DCTN4: variants seen among roughly 807,000 people sequenced by gnomAD.
The protein encoded by DCTN4 is dynactin 4 (p62).
DCTN4 carries 23 observed loss-of-function variants against 62.7 expected under a neutral mutation model. The observed-to-expected ratio is 0.37, with a 90% CI of 0.26 to 0.52. The LOEUF is 0.52. Ranked by LOEUF, DCTN4 falls within the 20% of genes least tolerant of loss-of-function variation. The pLI is 0.92. For missense variants in DCTN4, 514 were observed against 580.4 expected, an observed-to-expected ratio of 0.89 and a Z score of 1.18; for synonymous variants, 199 against 202.1, an observed-to-expected ratio of 0.98 and a Z score of 0.13.
intron 8 of DCTN4, among the ~76,000 whole-genome samples, chr5:150,728,686 TTCTC>T (rs1178563999): frequency 1.3e-5 from 2 of 152,140 alleles, no homozygotes; most frequent in African/African-American, 2.4e-5. Context: ...TTTTTCCCAC[TTCTC>T]TCTACTTTCA....
intron 4 of DCTN4, among the ~76,000 whole-genome samples, chr5:150,739,384 G>C (rs1312773419): frequency 6.6e-6 from 1 of 152,060 alleles, no homozygotes; most frequent in Admixed American, 6.5e-5. Flanking sequence ...GGAGGTGAAA[G>C]ACCTCTACAA....
chr5:150,738,474 TA>T (rs1430741444), intron 4 of DCTN4, among the ~76,000 whole-genome samples: 2 of 152,134 alleles, frequency 1.3e-5, no homozygotes, highest in Non-Finnish European at 2.9e-5. Context: ...CCCAAGTCAA[TA>T]AATGTAATAC....
intron 3 of DCTN4, among the ~76,000 whole-genome samples, chr5:150,750,880 T>C (rs1225182232): frequency 6.6e-6 from 1 of 152,154 alleles, no homozygotes; most frequent in African/African-American, 2.4e-5. Context: ...AGTACATGAA[T>C]ATACATATTT....
intron 2 of DCTN4, 102 bp downstream of exon 2, chr5:150,756,315 A>T: frequency 1.4e-6 from 1 of 734,580 alleles, no homozygotes; most frequent in Non-Finnish European, 2.2e-6. Flanking sequence ...CTGGGATTAC[A>T]GGCGTGAGCC....
intron 8 of DCTN4, among the ~76,000 whole-genome samples, chr5:150,728,482 G>A (rs1051675864): frequency 1.3e-4 from 19 of 151,816 alleles, no homozygotes; most frequent in Non-Finnish European, 8.8e-5. Flanking sequence ...TTGTTCTCTC[G>A]GTTACTGAGA....
At chr5:150,713,445 C>CCT (rs1759642062) in intron 12 of DCTN4, among the ~76,000 whole-genome samples, 1 of 135,608 alleles carries the variant, frequency 7.4e-6, no homozygotes, top group African/African-American at 2.8e-5. Flanking sequence ...CTTTTCTTTT[C>CCT]TTTTTTTTTT....
intron 1 of DCTN4, among the ~76,000 whole-genome samples, chr5:150,756,912 T>C (rs1367547725): frequency 6.6e-6 from 1 of 152,206 alleles, no homozygotes; most frequent in African/African-American, 2.4e-5. Context: ...TTTTTAAAGA[T>C]TTCTCATTAT....
rs1484522281 is a variant in DCTN4, at chr5:150,747,087, A to C, written c.386-4930T>G. 9.8e-5 allele frequency among the ~76,000 whole-genome samples: 15 copies of C among 152,326 alleles called. No individual in the cohort carries two copies. In the East Asian group the frequency reaches 2.1e-3, roughly 22 times the overall value. On this transcript the variant is annotated intron_variant, in intron 3 of 12. Transcript: ENST00000447998. ...CCTTAAGCTGATAAGCAACTTCAGC[A>C]AAGTCTCGGGATACAAAATCAATGT... is the stretch of plus-strand genomic sequence containing the variant.
rs61106544 is a variant in DCTN4 at position 150,729,042 on chromosome 5, C to CTTTTTTTTTTTTTTTTTTTT, written c.834+1569_834+1588dup. Among the ~76,000 whole-genome samples, 4 of 52,148 alleles carry CTTTTTTTTTTTTTTTTTTTT rather than the reference C, an allele frequency of 7.7e-5. 1 individual carries two copies. Among genetic ancestry groups the CTTTTTTTTTTTTTTTTTTTT allele is most frequent in the African/African-American group, 3.0e-4 (4 of 13,134 alleles). The allele number at this position is 52,148 out of a possible 152,430, so 34.2% of individuals were successfully genotyped here. ...ACAAGTGTGTGAACCACCACACTGG[C>CTTTTTTTTTTTTTTTTTTTT]TTTTTTTTTTTTTTTTTTTTTTTTT... On this transcript the variant is annotated intron_variant, in intron 8 of 12. Coordinates refer to ENST00000447998, the MANE Select transcript of DCTN4 (RefSeq NM_016221.4).
At position 150,710,045 on chromosome 5, in the gene DCTN4, A is replaced by G. The variant is rs1759502308; in HGVS notation, c.*1104T>C. 1 of 152,370 alleles carries G rather than the reference A, an allele frequency of 6.6e-6. No individual in the cohort carries two copies. Among genetic ancestry groups the G allele is most frequent in the Non-Finnish European group, 1.5e-5 (1 of 68,042 alleles). 9.4% of individuals were successfully genotyped at this position (152,370 alleles called of 1,614,324 possible). ...TTGCTGAACTATTTTATGGTTTACA[A>G]TCAAAATGGTCTTATTTGACTCACC... is the stretch of plus-strand genomic sequence containing the variant. On this transcript the variant is annotated 3_prime_UTR_variant, in exon 13 of 13. Transcript: ENST00000447998.
chr5:150,730,633 G>A lies in DCTN4; in HGVS notation c.832C>T (p.Arg278Cys), dbSNP rs755235314. ...HLLIKRSLRC[R>C]KCEHNLSKPE... ...AGTCTACAGAATGGAATACTTACAC[G>A]GCAGCGCAGGGACCGTTTGATCAGA... Residue 278 changes from arginine to cysteine, a missense_variant and splice_region_variant, in exon 8 of 13, where the codon CGT becomes TGT. Transcript: ENST00000447998. The A allele has an allele frequency of 6.2e-6, 10 of 1,612,964 alleles. No homozygotes were observed. The highest frequency in any genetic ancestry group is 4.0e-5 in the African/African-American group (3 of 74,894).
chr5:150,742,927 T>A (rs528463731), intron 3 of DCTN4: 51 of 157,272 alleles, frequency 3.2e-4, no homozygotes, highest in Non-Finnish European at 1.4e-4. Context: ...TGCATTTCCA[T>A]CTGAGGTACT....
chr5:150,728,502 CA>C (rs1760236239), intron 8 of DCTN4, among the ~76,000 whole-genome samples: 1 of 152,120 alleles, frequency 6.6e-6, no homozygotes, highest in Admixed American at 6.5e-5. Flanking sequence ...AGAAGTATGT[CA>C]AAATTTCCCA....
rs1218672773 is a variant in DCTN4, at chr5:150,737,793, AACAAAAGAG to A, written c.429+4312_430-4319del. 2.6e-4 allele frequency among the ~76,000 whole-genome samples: 40 copies of A among 152,264 alleles called. No individual in the cohort carries two copies. In the East Asian group the frequency reaches 2.9e-3, roughly 11 times the overall value. On this transcript the variant is annotated intron_variant, in intron 4 of 12. Transcript: ENST00000447998. ...TGAGAGCAGAACTAAATGAAACTGA[AACAAAAGAG>A]ACAATAAAAAAGATAAATGAAACGA... is the stretch of plus-strand genomic sequence containing the variant.
intron 12 of DCTN4, 35 bp from the exon 13 acceptor site, chr5:150,711,397 T>C (rs1759559825): frequency 6.4e-7 from 1 of 1,567,142 alleles, no homozygotes; most frequent in Admixed American, 1.7e-5. Context: ...ATTAGGTAGA[T>C]AAAAAAATCA....
At chr5:150,737,790 T>G (rs1231562623) in intron 4 of DCTN4, among the ~76,000 whole-genome samples, 1 of 151,676 alleles carries the variant, frequency 6.6e-6, no homozygotes, top group Non-Finnish European at 1.5e-5. Flanking sequence ...TAAATGAAAC[T>G]GAAACAAAAG....
chr5:150,752,470 T>C (rs190656468), intron 3 of DCTN4, among the ~76,000 whole-genome samples: 76 of 152,286 alleles, frequency 5.0e-4, no homozygotes, highest in African/African-American at 1.8e-3. Flanking sequence ...GGACAGACAT[T>C]TGGACATTGA....
intron 8 of DCTN4, among the ~76,000 whole-genome samples, chr5:150,723,407 A>C (rs967160561): frequency 2.0e-5 from 3 of 152,240 alleles, no homozygotes; most frequent in African/African-American, 7.2e-5. Flanking sequence ...AGAGCCAATA[A>C]AAATGGACAC....
At chr5:150,720,057 A>T (rs1209551510) in intron 9 of DCTN4, among the ~76,000 whole-genome samples, 2 of 152,224 alleles carry the variant, frequency 1.3e-5, no homozygotes, top group Non-Finnish European at 2.9e-5. Context: ...CTAAGGCAAG[A>T]TATTTATCTC....
Sources: allele counts gnomAD v4.1 joint callset (sites outside exome capture counted in the v4.1 genomes callset), GRCh38; gene constraint gnomAD v4.1.1; transcripts MANE v1.5; gene names NCBI Gene and HGNC (gene_info 2026-07-23, HGNC 2026-07-21).